Variants in UBE2V2 observed in about 807,000 individuals in gnomAD.
The protein encoded by UBE2V2 is ubiquitin-conjugating enzyme E2 variant 2.
In UBE2V2, 9 loss-of-function variants were observed where a neutral mutation model predicts 17.2. The observed-to-expected ratio is 0.52, with a 90% CI of 0.32 to 0.91. UBE2V2 has a LOEUF of 0.91. Among genes scored for constraint, UBE2V2 ranks in the 40% least tolerant of loss-of-function variants. The probability of loss-of-function intolerance (pLI) is 0.04; values close to 1 mark genes in which losing one functional copy is unlikely to be tolerated. For synonymous variants in UBE2V2, 61 were observed against 57.5 expected (o/e 1.06, Z -0.28); for missense variants, 133 against 182.6 (o/e 0.73, Z 1.56).
intron 3 of UBE2V2, among the ~76,000 whole-genome samples, chr8:48,058,898 C>G (rs948548921): frequency 6.6e-6 from 1 of 151,574 alleles, no homozygotes; most frequent in Non-Finnish European, 1.5e-5. Context: ...GGGATAGGTC[C>G]TACTTGTATA....
intron 1 of UBE2V2, among the ~76,000 whole-genome samples, chr8:48,016,172 C>T (rs954647446): frequency 6.6e-6 from 1 of 152,202 alleles, no homozygotes; most frequent in African/African-American, 2.4e-5. Context: ...ATGGGGATTA[C>T]AGGCGTGAGC....
In UBE2V2 at chr8:48,044,006, C is replaced by G. The variant is rs191892069; in HGVS notation, c.165+825C>G. Reference sequence around the variant, plus strand: ...CCTGCAGTGAATCTTTGAAATTTGTCTCTCTAATGTTTTTGGCTTGTTGGA... The same window carrying G: ...CCTGCAGTGAATCTTTGAAATTTGTGTCTCTAATGTTTTTGGCTTGTTGGA... On this transcript the variant is annotated intron_variant, in intron 2 of 3. Coordinates refer to ENST00000523111, the MANE Select transcript of UBE2V2 (RefSeq NM_003350.3). 4.0e-3 allele frequency among the ~76,000 whole-genome samples: 597 copies of G among 150,954 alleles called. 4 individuals are homozygous for G. Among genetic ancestry groups the G allele is most frequent in the South Asian group, 0.025 (119 of 4,798 alleles).
At chr8:48,040,214 T>A (rs1015236429) in intron 1 of UBE2V2, among the ~76,000 whole-genome samples, 4 of 152,082 alleles carry the variant, frequency 2.6e-5, no homozygotes, top group Admixed American at 1.3e-4. Context: ...TCGATTTTGT[T>A]TTTTGGGGGA....
At chr8:48,021,794 TCTC>T (rs1370231102) in intron 1 of UBE2V2, among the ~76,000 whole-genome samples, 9 of 151,708 alleles carry the variant, frequency 5.9e-5, no homozygotes, top group Admixed American at 2.0e-4. Flanking sequence ...TTCGAGCAAT[TCTC>T]CTGCCTCAGC....
chr8:47,999,762 G>A, the UBE2V2 span, among the ~76,000 whole-genome samples: 59 of 152,270 alleles, frequency 3.9e-4, 1 homozygote, highest in African/African-American at 1.4e-3. Flanking sequence ...AAACTCCTCA[G>A]ACACTGGGTT....
At chr8:47,998,836 C>T in the UBE2V2 span, among the ~76,000 whole-genome samples, 6 of 152,174 alleles carry the variant, frequency 3.9e-5, no homozygotes, top group African/African-American at 4.8e-5. Context: ...ATTAACCTGC[C>T]GGCTGACCCC....
chr8:48,056,222 A>G (rs2091570924), intron 3 of UBE2V2, among the ~76,000 whole-genome samples: 1 of 152,188 alleles, frequency 6.6e-6, no homozygotes, highest in South Asian at 2.1e-4. Context: ...ATTCCATTGT[A>G]TGGAGATCCC....
At chr8:48,031,610 T>G (rs189260880) in intron 1 of UBE2V2, among the ~76,000 whole-genome samples, 1 of 152,296 alleles carries the variant, frequency 6.6e-6, no homozygotes, top group East Asian at 1.9e-4. Context: ...CACTTGTGTT[T>G]GAAAGTGTAG....
At chr8:48,007,939 T>C (rs773203867), upstream of UBE2V2, among the ~76,000 whole-genome samples, 2 of 152,190 alleles carry the variant, frequency 1.3e-5, no homozygotes, top group Non-Finnish European at 2.9e-5. Flanking sequence ...ATTTATTTTT[T>C]TGAGGCGGAG....
chr8:48,025,313 G>C (rs1034141422), intron 1 of UBE2V2, among the ~76,000 whole-genome samples: 2 of 151,162 alleles, frequency 1.3e-5, no homozygotes, highest in African/African-American at 4.9e-5. Flanking sequence ...TGTCATCCAG[G>C]CTGGAGTGTA....
chr8:48,001,040 A>T, the UBE2V2 span, among the ~76,000 whole-genome samples: 1 of 152,064 alleles, frequency 6.6e-6, no homozygotes, highest in African/African-American at 2.4e-5. Context: ...CACTTTGTGG[A>T]TTGAGCCTTT....
intron 1 of UBE2V2, among the ~76,000 whole-genome samples, chr8:48,031,279 G>A (rs2091381507): frequency 6.6e-6 from 1 of 152,078 alleles, no homozygotes; most frequent in South Asian, 2.1e-4. Flanking sequence ...TTTGTAGATT[G>A]TAATATTTCA....
intron 1 of UBE2V2, among the ~76,000 whole-genome samples, chr8:48,016,167 G>A (rs1362900966): frequency 1.3e-5 from 2 of 152,180 alleles, no homozygotes; most frequent in African/African-American, 4.8e-5. Flanking sequence ...AAAGTATGGG[G>A]ATTACAGGCG....
rs879557233 is a variant in UBE2V2 at position 48,046,126 on chromosome 8, A to AT, written c.165+2956dup. On this transcript the variant is annotated intron_variant, in intron 2 of 3. Transcript: ENST00000523111. ...CACTCCCAGCTAATTTTGTATTTTT[A>AT]TTTTTTTTTTTGAGACGGAGTCTTG... Among the ~76,000 whole-genome samples, 367 of 146,684 alleles carry AT rather than the reference A, an allele frequency of 2.5e-3. 2 individuals are homozygous for AT. Among genetic ancestry groups the AT allele is most frequent in the Admixed American group, 4.5e-3 (67 of 14,732 alleles).
At chr8:48,049,349 A>C (rs1225891412) in intron 2 of UBE2V2, among the ~76,000 whole-genome samples, 1 of 152,196 alleles carries the variant, frequency 6.6e-6, no homozygotes, top group Non-Finnish European at 1.5e-5. Context: ...GTTATCCAAC[A>C]AGACCCTTTT....
At chr8:48,021,783 G>T (rs1424273638) in intron 1 of UBE2V2, among the ~76,000 whole-genome samples, 1 of 151,828 alleles carries the variant, frequency 6.6e-6, no homozygotes, top group Non-Finnish European at 1.5e-5. Context: ...TGCCTCCTGG[G>T]TTCGAGCAAT....
intron 1 of UBE2V2, among the ~76,000 whole-genome samples, chr8:48,011,559 T>TGG: frequency 6.6e-6 from 1 of 152,242 alleles, no homozygotes; most frequent in Admixed American, 6.5e-5. Flanking sequence ...CTGACAAATA[T>TGG]GTTTTGATCT....
upstream of UBE2V2, among the ~76,000 whole-genome samples, chr8:48,005,603 C>T (rs1159380674): frequency 6.6e-6 from 1 of 152,166 alleles, no homozygotes; most frequent in Non-Finnish European, 1.5e-5. Context: ...CACTGTCTTC[C>T]ACAATGGTTG....
chr8:48,054,205 C>A (rs2091557756), intron 3 of UBE2V2, among the ~76,000 whole-genome samples: 1 of 152,180 alleles, frequency 6.6e-6, no homozygotes, highest in Non-Finnish European at 1.5e-5. Context: ...TGTCAAGGAG[C>A]AATAGAATTC....
Sources: allele counts gnomAD v4.1 joint callset (sites outside exome capture counted in the v4.1 genomes callset), GRCh38; gene constraint gnomAD v4.1.1; transcripts MANE v1.5; gene names NCBI Gene and HGNC (gene_info 2026-07-23, HGNC 2026-07-21).